Variants in CHL1 observed in about 807,000 individuals in gnomAD.
CHL1 encodes the protein cell adhesion molecule L1 like.
In CHL1, 96 loss-of-function variants were observed where a neutral mutation model predicts 141.9. That is an observed-to-expected ratio of 0.68 (90% CI 0.57 to 0.80). CHL1 has a LOEUF of 0.80. Ranked by LOEUF, CHL1 falls within the 30% of genes least tolerant of loss-of-function variation. CHL1 has a pLI of 0.00. For missense variants in CHL1, 1,820 were observed against 1,457.2 expected (o/e 1.25, Z -4.05); for synonymous variants, 613 against 502.2 (o/e 1.22, Z -2.95).
chr3:284,846 A>G (rs975899589), intron 2 of CHL1, among the ~76,000 whole-genome samples: 8 of 152,038 alleles, frequency 5.3e-5, no homozygotes, highest in African/African-American at 1.9e-4. Flanking sequence ...TAGCTGTGCT[A>G]TGAGTACGTG....
intron 2 of CHL1, among the ~76,000 whole-genome samples, chr3:279,644 A>G (rs461791): frequency 0.99 from 150,137 of 152,316 alleles, 74,008 homozygotes; most frequent in East Asian, 1. Flanking sequence ...TCCTTGTTCT[A>G]TGGTTTTGGA....
At chr3:268,109 A>G (rs1695312176) in intron 2 of CHL1, among the ~76,000 whole-genome samples, 1 of 152,232 alleles carries the variant, frequency 6.6e-6, no homozygotes, top group South Asian at 2.1e-4. Flanking sequence ...TTCAATAGAT[A>G]CAATCCTTTA....
At chr3:247,717 A>G (rs1173189752) in intron 2 of CHL1, 3 of 152,080 alleles carry the variant, frequency 2.0e-5, no homozygotes, top group Non-Finnish European at 4.4e-5. Context: ...CAGGTTTCTG[A>G]TAGCCCCACA....
intron 2 of CHL1, among the ~76,000 whole-genome samples, chr3:253,907 C>T (rs1559341194): frequency 6.6e-6 from 1 of 152,176 alleles, no homozygotes; most frequent in South Asian, 2.1e-4. Flanking sequence ...ACAAATTTAA[C>T]ATTTATTGAG....
chr3:380,500 C>T (rs779221051), intron 16 of CHL1, among the ~76,000 whole-genome samples: 1 of 152,088 alleles, frequency 6.6e-6, no homozygotes, highest in Non-Finnish European at 1.5e-5. Flanking sequence ...AATAAGATTT[C>T]TTTTTACTGT....
At chr3:398,720 G>A (rs989545091) in intron 25 of CHL1, among the ~76,000 whole-genome samples, 2 of 152,122 alleles carry the variant, frequency 1.3e-5, no homozygotes, top group Non-Finnish European at 2.9e-5. Context: ...GGCAGCTTGC[G>A]CTTTTGTTTG....
At chr3:236,014 C>A (rs1691938237) in intron 1 of CHL1, among the ~76,000 whole-genome samples, 1 of 152,174 alleles carries the variant, frequency 6.6e-6, no homozygotes, top group Non-Finnish European at 1.5e-5. Flanking sequence ...GACTATGCAA[C>A]ATGCTTGAAA....
chr3:241,872 A>G (rs460765), intron 1 of CHL1, among the ~76,000 whole-genome samples: 63,474 of 151,776 alleles, frequency 0.42, 13,341 homozygotes, highest in South Asian at 0.59. Flanking sequence ...ATAACAGAGA[A>G]TAAGTAAGAC....
chr3:212,067 C>G (rs556419915), intron 1 of CHL1, among the ~76,000 whole-genome samples: 52 of 152,114 alleles, frequency 3.4e-4, no homozygotes, highest in African/African-American at 1.1e-3. Flanking sequence ...TTTTACATGA[C>G]ATAACCTAAA....
chr3:406,160 T>G lies in CHL1; in HGVS notation c.*449T>G, dbSNP rs1275163842. On this transcript the variant is annotated 3_prime_UTR_variant, in exon 28 of 28. Transcript: ENST00000256509. ...AAAAGACCATAAGCAAACTGGTTAT[T>G]TAAAATGTAAAAAGGAATATGAAAG... 6.5e-6 allele frequency: 1 copy of G among 153,736 alleles called. No homozygotes were observed. The highest frequency in any genetic ancestry group is 2.4e-5 in the African/African-American group (1 of 41,450). The allele number at this position is 153,736 out of a possible 1,614,324, so 9.5% of individuals were successfully genotyped here.
intron 24 of CHL1, 21 bp downstream of exon 24, chr3:394,893 T>A: frequency 1.9e-6 from 3 of 1,561,876 alleles, no homozygotes; most frequent in Non-Finnish European, 2.6e-6. Context: ...GAGGCTTCTC[T>A]TTTTAATAGA....
chr3:350,048 C>A (rs1293935032), intron 10 of CHL1, among the ~76,000 whole-genome samples: 1 of 152,142 alleles, frequency 6.6e-6, no homozygotes, highest in Non-Finnish European at 1.5e-5. Context: ...CTGCATATAA[C>A]ACTTTTGTAA....
chr3:394,880 C>A lies in CHL1; in HGVS notation c.3094+8C>A, dbSNP rs769102371. 1.3e-5 allele frequency: 20 copies of A among 1,585,646 alleles called. No individual in the cohort carries two copies. The South Asian group carries it at 2.0e-4, about 16-fold the overall frequency. On this transcript the variant is annotated splice_region_variant and intron_variant, in intron 24 of 27. Coordinates refer to ENST00000256509, the MANE Select transcript of CHL1 (RefSeq NM_006614.4). ...CCACCTTAGGAGAAGGGAGTAAGTACATGAGGCTTCTCTTTTTAATAGAGG... is the reference window on the plus strand; with the variant it reads ...CCACCTTAGGAGAAGGGAGTAAGTAAATGAGGCTTCTCTTTTTAATAGAGG...
chr3:233,882 A>ATTGG (rs1360776594), intron 1 of CHL1, among the ~76,000 whole-genome samples: 5 of 152,098 alleles, frequency 3.3e-5, no homozygotes, highest in Non-Finnish European at 7.4e-5. Flanking sequence ...AGATTTTTCC[A>ATTGG]TTGGTAGTTG....
chr3:391,091 T>C lies in CHL1; in HGVS notation c.2723T>C (p.Val908Ala). Residue 908 changes from valine to alanine, a missense_variant, in exon 22 of 28, where the codon GTC (valine) becomes GCC (alanine). By Grantham distance (64) the Val-to-Ala change is moderately conservative. Coordinates refer to ENST00000256509, the MANE Select transcript of CHL1 (RefSeq NM_006614.4). ...LDAFSEFHLTVLAYNSKGAGP... is the reference protein window; with the variant it reads ...LDAFSEFHLTALAYNSKGAGP... ...GCCTTTAGTGAATTTCATTTAACAG[T>C]CTTAGCCTATAACTCTAAAGGAGCT... The C allele has an allele frequency of 6.2e-7, 1 of 1,613,976 alleles. No homozygotes were observed. Among genetic ancestry groups the C allele is most frequent in the Non-Finnish European group, 8.5e-7 (1 of 1,179,828 alleles).
In CHL1 at chr3:326,016, A is replaced by G. The variant is rs1417441350; in HGVS notation, c.149A>G (p.Asp50Gly). 1 of 1,611,928 alleles carries G rather than the reference A, an allele frequency of 6.2e-7. No homozygotes were observed. The highest frequency in any genetic ancestry group is 8.5e-7 in the Non-Finnish European group (1 of 1,178,698). The change falls in exon 4 of 28, where the codon GAT becomes GGT. Residue 50 changes from aspartate to glycine, a missense_variant. Asp to Gly is a moderately conservative substitution (Grantham distance 94). Coordinates refer to ENST00000256509, the MANE Select transcript of CHL1 (RefSeq NM_006614.4). Reference sequence around the variant, plus strand: ...AAAGTCCAAGTTGCCTTTCCCTTCGATGAGTATTTTCAAATTGAATGTGAA... The same window carrying G: ...AAAGTCCAAGTTGCCTTTCCCTTCGGTGAGTATTTTCAAATTGAATGTGAA... ...QSKVQVAFPF[D>G]EYFQIECEAK...
intron 1 of CHL1, among the ~76,000 whole-genome samples, chr3:232,205 T>C (rs962427643): frequency 6.6e-6 from 1 of 152,222 alleles, no homozygotes; most frequent in Non-Finnish European, 1.5e-5. Flanking sequence ...ATTCTGTGTA[T>C]TGGCATGTCA....
At chr3:210,825 A>T (rs955649930) in intron 1 of CHL1, among the ~76,000 whole-genome samples, 1 of 152,106 alleles carries the variant, frequency 6.6e-6, no homozygotes, top group African/African-American at 2.4e-5. Context: ...CTTCCTAGAG[A>T]TCTTAGACCC....
In CHL1 at chr3:337,900, G is replaced by A. The variant is rs1183076973; in HGVS notation, c.386-2894G>A. 2.6e-5 allele frequency among the ~76,000 whole-genome samples: 4 copies of A among 152,174 alleles called. 1 individual carries two copies. In the East Asian group the frequency reaches 7.7e-4, roughly 29 times the overall value. On this transcript the variant is annotated intron_variant, in intron 5 of 27. Transcript: ENST00000256509. ...TGGGTATATACCCAGTAATGGGATG[G>A]CTGGGTCAAATGGTATTTCTAGTTC...
Sources: allele counts gnomAD v4.1 joint callset (sites outside exome capture counted in the v4.1 genomes callset), GRCh38; gene constraint gnomAD v4.1.1; transcripts MANE v1.5; gene names NCBI Gene and HGNC (gene_info 2026-07-23, HGNC 2026-07-21).